The following DLC1 variants were observed in gnomAD, a reference collection of about 807,000 sequenced individuals.
DLC1 encodes the protein rho GTPase-activating protein 7.
Under a neutral mutation model 140.3 loss-of-function variants are expected in DLC1, and 54 were observed. That is an observed-to-expected ratio of 0.38 (90% confidence interval 0.31 to 0.48). DLC1 has a LOEUF of 0.48. Among genes scored for constraint, DLC1 ranks in the 20% least tolerant of loss-of-function variants. The probability of loss-of-function intolerance (pLI) is 0.96; values close to 1 mark genes in which losing one functional copy is unlikely to be tolerated. For missense variants in DLC1, 2,536 were observed against 1,907.0 expected, an observed-to-expected ratio of 1.33 and a Z score of -6.14; for synonymous variants, 986 against 728.1, an observed-to-expected ratio of 1.35 and a Z score of -5.70.
intron 5 of DLC1, among the ~76,000 whole-genome samples, chr8:13,291,527 C>T (rs1831757156): frequency 6.6e-6 from 1 of 152,114 alleles, no homozygotes; most frequent in East Asian, 1.9e-4. Flanking sequence ...ACCCTGTCCA[C>T]TTAAAGTATT....
chr8:13,536,776 G>C (rs1043649079), intron 1 of DLC1, among the ~76,000 whole-genome samples: 2 of 152,110 alleles, frequency 1.3e-5, no homozygotes, highest in Admixed American at 1.3e-4. Flanking sequence ...GTATCCACAT[G>C]ACATGTTGAA....
intron 5 of DLC1, among the ~76,000 whole-genome samples, chr8:13,137,887 C>T (rs536688075): frequency 2.8e-4 from 42 of 152,096 alleles, no homozygotes; most frequent in Admixed American, 2.3e-3. Context: ...TGTGAGCCAC[C>T]GCACCTGGCC....
At chr8:13,092,940 C>T (rs1818201442) in intron 12 of DLC1, 115 bp from the exon 13 acceptor site, 1 of 1,187,492 alleles carries the variant, frequency 8.4e-7, no homozygotes. Context: ...TGAACAAGCA[C>T]TTGTAGAAAG....
At chr8:13,517,314 A>G (rs1802619480), upstream of DLC1, among the ~76,000 whole-genome samples, 1 of 152,032 alleles carries the variant, frequency 6.6e-6, no homozygotes, top group Non-Finnish European at 1.5e-5. Flanking sequence ...TTTTGTTTCT[A>G]TTTCTATTGG....
At chr8:13,491,774 G>A (rs1040428342) in intron 2 of DLC1, among the ~76,000 whole-genome samples, 1 of 152,166 alleles carries the variant, frequency 6.6e-6, no homozygotes, top group Non-Finnish European at 1.5e-5. Flanking sequence ...AGAACAGAGA[G>A]GGGATATGTG....
intron 5 of DLC1, among the ~76,000 whole-genome samples, chr8:13,120,062 C>T (rs541451722): frequency 2.0e-5 from 3 of 151,800 alleles, no homozygotes; most frequent in South Asian, 4.2e-4. Context: ...TATGTAACAG[C>T]TTGGGCATGG....
At chr8:13,438,486 C>T (rs1053953790) in intron 2 of DLC1, among the ~76,000 whole-genome samples, 2 of 152,144 alleles carry the variant, frequency 1.3e-5, no homozygotes, top group African/African-American at 4.8e-5. Context: ...ACTTCTCTCA[C>T]TCAGAATAAT....
intron 1 of DLC1, among the ~76,000 whole-genome samples, chr8:13,508,563 G>C (rs12675696): frequency 0.057 from 8,726 of 152,040 alleles, 779 homozygotes; most frequent in East Asian, 0.37. Context: ...GACTACAGGT[G>C]CCCATCACCA....
intron 5 of DLC1, among the ~76,000 whole-genome samples, chr8:13,120,342 CA>C (rs1554577908): frequency 6.8e-5 from 4 of 58,814 alleles, no homozygotes; most frequent in Non-Finnish European, 7.4e-5. Context: ...GACTCCGTCG[CA>C]AAAAAAAAAA....
chr8:13,524,205 T>G (rs1007259951), intron 1 of DLC1, among the ~76,000 whole-genome samples: 1 of 150,726 alleles, frequency 6.6e-6, no homozygotes, highest in African/African-American at 2.4e-5. Context: ...TGGCGCTATC[T>G]GGGCTCAATG....
At chr8:13,290,279 G>T (rs1831707981) in intron 5 of DLC1, among the ~76,000 whole-genome samples, 1 of 152,086 alleles carries the variant, frequency 6.6e-6, no homozygotes, top group African/African-American at 2.4e-5. Flanking sequence ...TTAACCAGTG[G>T]TCTTCAAACT....
rs569199960 is a variant in DLC1 at position 13,468,331 on chromosome 8, T to C, written c.1023+30718A>G. 5.0e-3 allele frequency among the ~76,000 whole-genome samples: 382 copies of C among 75,844 alleles called. 3 individuals are homozygous for C. Among genetic ancestry groups the C allele is most frequent in the African/African-American group, 0.016 (361 of 23,190 alleles). 49.8% of individuals were successfully genotyped at this position (75,844 alleles called of 152,430 possible). A position where few individuals can be genotyped will look rare whatever the true frequency, so the allele number is the denominator to read the frequency against. On this transcript the variant is annotated intron_variant, in intron 2 of 17. Coordinates refer to ENST00000276297, the MANE Select transcript of DLC1 (RefSeq NM_182643.3). ...TCCTTTCTTTTCTCTCTCTTTCCCT[T>C]CCCCCCATTCCCCTCCCCTCCCCTC...
chr8:13,473,755 C>A (rs1336747342), intron 2 of DLC1, among the ~76,000 whole-genome samples: 1 of 152,102 alleles, frequency 6.6e-6, no homozygotes, highest in South Asian at 2.1e-4. Context: ...AGCAAAGAGA[C>A]TGGTAGCATT....
At chr8:13,408,336 C>T (rs540878934) in intron 2 of DLC1, among the ~76,000 whole-genome samples, 4 of 152,214 alleles carry the variant, frequency 2.6e-5, no homozygotes, top group South Asian at 2.1e-4. Context: ...CATTAATTAG[C>T]GATCATGGCT....
chr8:13,133,071 C>A (rs1822257839), intron 5 of DLC1: 7 of 1,545,226 alleles, frequency 4.5e-6, no homozygotes, highest in South Asian at 1.2e-5. Context: ...CGGCGGCACC[C>A]GAGACGCGCG....
chr8:13,299,260 T>C (rs897297978), intron 5 of DLC1, among the ~76,000 whole-genome samples: 15 of 151,472 alleles, frequency 9.9e-5, no homozygotes, highest in African/African-American at 3.4e-4. Context: ...CCAGCCAACA[T>C]AGTGAAACCC....
At chr8:13,200,032 T>G (rs1038466408) in intron 5 of DLC1, among the ~76,000 whole-genome samples, 1 of 152,136 alleles carries the variant, frequency 6.6e-6, no homozygotes, top group African/African-American at 2.4e-5. Flanking sequence ...AACAACCCTA[T>G]AAGAGAAGTA....
chr8:13,492,623 G>A (rs1801309848), intron 2 of DLC1, among the ~76,000 whole-genome samples: 2 of 151,944 alleles, frequency 1.3e-5, no homozygotes, highest in Admixed American at 1.3e-4. Flanking sequence ...TGGGATTTCA[G>A]TGACTAGATG....
intron 5 of DLC1, among the ~76,000 whole-genome samples, chr8:13,213,017 A>T (rs934804934): frequency 6.6e-6 from 1 of 152,204 alleles, no homozygotes; most frequent in South Asian, 2.1e-4. Flanking sequence ...GAATCCTCAC[A>T]TTTCAAAAAG....
Sources: gnomAD v4.1 joint callset for allele counts (sites outside exome capture counted in the v4.1 genomes callset) on GRCh38, gnomAD v4.1.1 for gene constraint, MANE v1.5 for transcripts, NCBI Gene and HGNC (gene_info 2026-07-23, HGNC 2026-07-21) for gene names.